NFATC2: variants seen among roughly 807,000 people sequenced by gnomAD.
NFATC2 encodes the protein nuclear factor of activated T cells 2, also known as nuclear factor of activated T-cells, cytoplasmic 2.
A neutral mutation model predicts 87.3 loss-of-function variants in NFATC2; 22 were observed. The ratio of observed to expected loss-of-function variants is 0.25; its 90% CI spans 0.18 to 0.36. NFATC2 has a LOEUF of 0.36. NFATC2 is among the 10% of genes least tolerant of loss of function. The pLI is 1.00. For missense variants in NFATC2, 1,149 were observed against 1,259.1 expected, an observed-to-expected ratio of 0.91 and a Z score of 1.32; for synonymous variants, 565 against 542.2, an observed-to-expected ratio of 1.04 and a Z score of -0.58.
At chr20:51,489,891 C>T (rs189398536) in intron 3 of NFATC2, among the ~76,000 whole-genome samples, 6 of 152,288 alleles carry the variant, frequency 3.9e-5, no homozygotes, top group South Asian at 2.1e-4. Context: ...TGGGGAAAGA[C>T]GACTGTCTGA....
intron 4 of NFATC2, 92 bp from the exon 5 acceptor site, chr20:51,474,244 G>C: frequency 6.8e-7 from 1 of 1,479,306 alleles, no homozygotes; most frequent in Non-Finnish European, 9.2e-7. Context: ...CCAGTCACTG[G>C]GGGAAACTGC....
rs145909869 is a variant in NFATC2 at position 51,489,104 on chromosome 20, C to T, written c.1333-13444G>A. On this transcript the variant is annotated intron_variant, in intron 3 of 10. Transcript: ENST00000371564. ...ACTCAGGAGGCTGAGGCAGGAGAAT[C>T]GCTTGAACCCAGGAGGCAGAGGTTG... Among the ~76,000 whole-genome samples, 1,113 of 152,292 alleles carry T rather than the reference C, an allele frequency of 7.3e-3. 6 individuals carry two copies. Among genetic ancestry groups the T allele is most frequent in the Middle Eastern group, 0.027 (8 of 292 alleles).
chr20:51,552,005 C>T (rs1007702230), intron 1 of NFATC2, among the ~76,000 whole-genome samples: 11 of 146,640 alleles, frequency 7.5e-5, no homozygotes, highest in South Asian at 2.2e-4. Context: ...CCAGCCTGGG[C>T]GACAGAGCGA....
At position 51,523,522 on chromosome 20, in the gene NFATC2, C is replaced by G; in HGVS notation, c.719G>C (p.Arg240Pro). The G allele has an allele frequency of 1.2e-6, 2 of 1,613,216 alleles. No individual in the cohort carries two copies. The highest frequency in any genetic ancestry group is 1.7e-6 in the Non-Finnish European group (2 of 1,179,636). Residue 240 changes from arginine (R) to proline (P), a missense_variant, in exon 2 of 11, where the codon CGT (arginine) becomes CCT (proline). Physicochemically the swap from Arg to Pro is moderately radical, Grantham distance 103. Coordinates refer to ENST00000371564, the MANE Select transcript of NFATC2 (RefSeq NM_012340.5). This position sits in a 1 kb window ranked among gnomAD's most constrained non-coding sequence, Gnocchi z 6.9. ...SCLGRHSPVP[R>P]PASRSSSPGA... ...AGGCGATGAGGAGCGGGAGGCCGGA[C>G]GGGGCACGGGCGAGTGGCGGCCCAG...
rs138425089 is a variant in NFATC2, at chr20:51,532,674, C to A, written c.131-8564G>T. On this transcript the variant is annotated intron_variant, in intron 1 of 10. Coordinates refer to ENST00000371564, the MANE Select transcript of NFATC2 (RefSeq NM_012340.5). ...CAGCCAAGTCTGAGGTGGCCGCTCGCTCAGCGCCAACCCGCCAGCCAACAG... is the reference window on the plus strand; with the variant it reads ...CAGCCAAGTCTGAGGTGGCCGCTCGATCAGCGCCAACCCGCCAGCCAACAG... Among the ~76,000 whole-genome samples the A allele has an allele frequency of 2.5e-3, 384 of 152,360 alleles. 1 individual carries two copies. Among genetic ancestry groups the A allele is most frequent in the African/African-American group, 8.9e-3 (369 of 41,582 alleles).
At chr20:51,440,259 T>G (rs1056200652) in intron 6 of NFATC2, among the ~76,000 whole-genome samples, 15 of 96,822 alleles carry the variant, frequency 1.5e-4, no homozygotes, top group African/African-American at 5.8e-4. Context: ...AAAAAAAAAA[T>G]GTTCAACAGA....
intron 9 of NFATC2, among the ~76,000 whole-genome samples, chr20:51,430,267 C>T (rs539317072): frequency 2.0e-5 from 3 of 152,256 alleles, no homozygotes; most frequent in South Asian, 2.1e-4. Context: ...ACCTCTTCTC[C>T]AATACAATCG....
chr20:51,412,979 C>A (rs1272008815), intron 9 of NFATC2, among the ~76,000 whole-genome samples: 17 of 48,040 alleles, frequency 3.5e-4, no homozygotes, highest in African/African-American at 1.6e-3. Context: ...CCGGCCCCCC[C>A]ATCCCCCGCT....
chr20:51,486,379 T>C (rs1989712549), intron 3 of NFATC2, among the ~76,000 whole-genome samples: 1 of 152,216 alleles, frequency 6.6e-6, no homozygotes, highest in African/African-American at 2.4e-5. Context: ...GGCCTTTGCA[T>C]ATGCTATGCC....
At chr20:51,467,903 G>A (rs1171665437) in intron 5 of NFATC2, among the ~76,000 whole-genome samples, 9 of 152,228 alleles carry the variant, frequency 5.9e-5, no homozygotes, top group African/African-American at 1.4e-4. Context: ...CCTAAGCCCC[G>A]GGAACAGACC....
rs1985842737 is a variant in NFATC2 at position 51,387,061 on chromosome 20, A to T, written c.*4435T>A. 1 of 152,254 alleles carries T rather than the reference A, an allele frequency of 6.6e-6. No homozygotes were observed. Among genetic ancestry groups the T allele is most frequent in the Non-Finnish European group, 1.5e-5 (1 of 68,036 alleles). The allele number at this position is 152,254 out of a possible 1,614,324, so 9.4% of individuals were successfully genotyped here. ...AAACTACATTAAACTGGAGATTAAA[A>T]ACATTTGCATAGGAATGTGATGTAT... is the stretch of plus-strand genomic sequence containing the variant. On this transcript the variant is annotated 3_prime_UTR_variant, in exon 11 of 11. Transcript: ENST00000371564.
chr20:51,403,445 A>G (rs1488269404), intron 9 of NFATC2, among the ~76,000 whole-genome samples: 2 of 152,216 alleles, frequency 1.3e-5, no homozygotes, highest in East Asian at 1.9e-4. Flanking sequence ...GAACAGGCAG[A>G]CAGAACCTTC....
At chr20:51,529,590 C>T (rs1405653351) in intron 1 of NFATC2, among the ~76,000 whole-genome samples, 2 of 152,138 alleles carry the variant, frequency 1.3e-5, no homozygotes, top group Admixed American at 6.5e-5. Flanking sequence ...GATGCCCGCA[C>T]GGCACTGGGT....
intron 6 of NFATC2, among the ~76,000 whole-genome samples, chr20:51,436,393 ATTTTTTT>A (rs11481937): frequency 7.0e-6 from 1 of 142,474 alleles, no homozygotes; most frequent in African/African-American, 2.6e-5. Flanking sequence ...CTATCTTTCT[ATTTTTTT>A]TTTTTTTTTA....
At chr20:51,558,374 T>C (rs2146846613) in intron 1 of NFATC2, among the ~76,000 whole-genome samples, 1 of 152,220 alleles carries the variant, frequency 6.6e-6, no homozygotes, top group African/African-American at 2.4e-5. Flanking sequence ...GACCGGCTTC[T>C]TCCAGTCAGG....
chr20:51,500,084 T>C lies in NFATC2; in HGVS notation c.1332+16700A>G, dbSNP rs145170114. 1.6e-3 allele frequency among the ~76,000 whole-genome samples: 242 copies of C among 152,288 alleles called. 1 individual carries two copies. The highest frequency in any genetic ancestry group is 6.8e-3 in the Admixed American group (104 of 15,294). ...GCCACCTGAAAACTGATCATGACAG[T>C]ACCTACCCTCAAGTACTCAGTATGA... is the stretch of plus-strand genomic sequence containing the variant. On this transcript the variant is annotated intron_variant, in intron 3 of 10. Coordinates refer to ENST00000371564, the MANE Select transcript of NFATC2 (RefSeq NM_012340.5).
intron 3 of NFATC2, among the ~76,000 whole-genome samples, chr20:51,477,103 A>G (rs921706907): frequency 2.0e-5 from 3 of 152,296 alleles, no homozygotes; most frequent in Admixed American, 6.5e-5. Context: ...TACAAAAACA[A>G]ACAGAATAAT....
At chr20:51,467,006 A>G (rs576073241) in intron 5 of NFATC2, among the ~76,000 whole-genome samples, 186 of 147,088 alleles carry the variant, frequency 1.3e-3, no homozygotes, top group Admixed American at 2.0e-3. Flanking sequence ...TGGGAGGTAG[A>G]GGTCACAGTG....
At chr20:51,444,043 G>A (rs761062110) in intron 6 of NFATC2, among the ~76,000 whole-genome samples, 32 of 152,178 alleles carry the variant, frequency 2.1e-4, no homozygotes, top group Non-Finnish European at 3.8e-4. Context: ...AGTCCATGGC[G>A]CGATCTCAGC....
Sources: gnomAD v4.1 joint callset for allele counts (sites outside exome capture counted in the v4.1 genomes callset) on GRCh38, gnomAD v4.1.1 for gene constraint, Gnocchi (gnomAD v3.1) non-coding constraint, MANE v1.5 for transcripts, NCBI Gene and HGNC (gene_info 2026-07-23, HGNC 2026-07-21) for gene names.